Variants in ZNF516 observed in about 807,000 individuals in gnomAD.
ZNF516 encodes zinc finger protein 516.
A neutral mutation model predicts 79.7 loss-of-function variants in ZNF516; 19 were observed. The ratio of observed to expected loss-of-function variants is 0.24; its 90% CI spans 0.17 to 0.35. ZNF516 has a LOEUF of 0.35. Ranked by LOEUF, ZNF516 falls within the 10% of genes least tolerant of loss-of-function variation. ZNF516 has a pLI of 1.00. For synonymous variants in ZNF516, 877 were observed against 739.5 expected (o/e 1.19, Z -3.02); for missense variants, 1,678 against 1,679.5 (o/e 1.00, Z 0.02).
chr18:76,429,740 A>C (rs1406445344), intron 3 of ZNF516, among the ~76,000 whole-genome samples: 1 of 152,344 alleles, frequency 6.6e-6, no homozygotes, highest in East Asian at 1.9e-4. Context: ...CTTCCACTCG[A>C]GAAAGAATAA....
chr18:76,443,300 A>C, intron 2 of ZNF516, 89 bp from the exon 3 acceptor site: 1 of 516,508 alleles, frequency 1.9e-6, no homozygotes. Context: ...TCCCCAAAAC[A>C]TACCCATCCA....
chr18:76,461,792 G>T (rs1397180224), intron 2 of ZNF516, among the ~76,000 whole-genome samples: 2 of 152,232 alleles, frequency 1.3e-5, no homozygotes, highest in Admixed American at 1.3e-4. Context: ...GTCGCCAACA[G>T]GCGAGGGGCC....
At chr18:76,435,576 T>C (rs1024490657) in intron 3 of ZNF516, among the ~76,000 whole-genome samples, 2 of 152,236 alleles carry the variant, frequency 1.3e-5, no homozygotes, top group African/African-American at 4.8e-5. Flanking sequence ...TCACAAGGCA[T>C]TCTGCATGTG....
Position 76,453,700 on chromosome 18 carries a change from T to TA in ZNF516, c.-158+9327dup. 2.6e-5 allele frequency among the ~76,000 whole-genome samples: 4 copies of TA among 152,326 alleles called. 1 individual carries two copies. In the South Asian group the frequency reaches 8.3e-4, roughly 32 times the overall value. On this transcript the variant is annotated intron_variant, in intron 2 of 6. Transcript: ENST00000443185. ...TGTTAACTAATTCAGTGTCTTAATA[T>TA]AAAATTTCTTAAAATTTTTCTTAGA...
intron 2 of ZNF516, 53 bp from the exon 3 acceptor site, chr18:76,443,264 G>T: frequency 1.4e-6 from 1 of 697,080 alleles, no homozygotes; most frequent in Non-Finnish European, 2.2e-6. Flanking sequence ...GAGGGCACAG[G>T]CATGGCTGCG....
chr18:76,492,187 C>A, intron 1 of ZNF516: 1 of 985,448 alleles, frequency 1.0e-6, no homozygotes, highest in Non-Finnish European at 1.2e-6. Context: ...AGCGCAGCAA[C>A]CCCGCGGTGC....
Position 76,361,636 on chromosome 18 carries a change from A to C in ZNF516, c.*862T>G, listed in dbSNP as rs1297435073. On this transcript the variant is annotated 3_prime_UTR_variant, in exon 7 of 7. Coordinates refer to ENST00000443185, the MANE Select transcript of ZNF516 (RefSeq NM_014643.4). ...AATCGGGAGGACTCAGTGGCTAAATAATTTGTTAAGACGTATAGTCTTCCT... is the reference window on the plus strand; with the variant it reads ...AATCGGGAGGACTCAGTGGCTAAATCATTTGTTAAGACGTATAGTCTTCCT... The C allele has an allele frequency of 1.3e-5, 2 of 152,212 alleles. No individual in the cohort carries two copies. Among genetic ancestry groups the C allele is most frequent in the African/African-American group, 4.8e-5 (2 of 41,444 alleles). The allele number at this position is 152,212 out of a possible 1,614,324, so 9.4% of individuals were successfully genotyped here. A position where few individuals can be genotyped will look rare whatever the true frequency, so the allele number is the denominator to read the frequency against.
At chr18:76,485,921 A>G (rs928686268) in intron 1 of ZNF516, among the ~76,000 whole-genome samples, 6 of 151,380 alleles carry the variant, frequency 4.0e-5, no homozygotes, top group African/African-American at 1.5e-4. Context: ...GACAAAAATA[A>G]TAATAATAAT....
intron 1 of ZNF516, among the ~76,000 whole-genome samples, chr18:76,473,904 G>GTT (rs1555718878): frequency 1.6e-5 from 1 of 63,030 alleles, no homozygotes; most frequent in Non-Finnish European, 3.8e-5. Context: ...GTTTTTGTGT[G>GTT]GGGGGGGGGG....
rs114841312 is a variant in ZNF516, at chr18:76,368,456, G to A, written c.3432+2072C>T. 6.1e-3 allele frequency among the ~76,000 whole-genome samples: 920 copies of A among 151,650 alleles called. 11 individuals are homozygous for A. The highest frequency in any genetic ancestry group is 0.021 in the African/African-American group (858 of 41,282). ...CAAACCAACTGCCACAGCAGGAGAC[G>A]CATACAAATCTAGCTCAGTTTTAAT... is the stretch of plus-strand genomic sequence containing the variant. On this transcript the variant is annotated intron_variant, in intron 6 of 6. Coordinates refer to ENST00000443185, the MANE Select transcript of ZNF516 (RefSeq NM_014643.4).
intron 1 of ZNF516, among the ~76,000 whole-genome samples, chr18:76,473,915 G>T (rs1193550586): frequency 1.5e-5 from 2 of 133,952 alleles, no homozygotes; most frequent in Admixed American, 7.5e-5. Context: ...GGGGGGGGGG[G>T]GGCTTTCTTT....
In ZNF516 at chr18:76,459,187, G is replaced by A. The variant is rs1338208222; in HGVS notation, c.-158+3841C>T. Among the ~76,000 whole-genome samples the A allele has an allele frequency of 6.6e-6, 1 of 152,202 alleles. No individual in the cohort carries two copies. The highest frequency in any genetic ancestry group is 1.5e-5 in the Non-Finnish European group (1 of 68,030). ...CGCTGCAGCAGTAACGGGGCGCCGG[G>A]CCCACCTGCTGCCCCTCTCCTGTGC... is the stretch of plus-strand genomic sequence containing the variant. On this transcript the variant is annotated intron_variant, in intron 2 of 6. Transcript: ENST00000443185. The surrounding 1 kb of genome is among the most constrained non-coding windows in gnomAD (Gnocchi z 5.0).
In ZNF516 at chr18:76,441,908, A is replaced by G. The variant is rs1407631421; in HGVS notation, c.1147T>C (p.Phe383Leu). The G allele has an allele frequency of 6.2e-7, 1 of 1,602,852 alleles. No individual in the cohort carries two copies. Residue 383 changes from phenylalanine (F) to leucine (L), a missense_variant, in exon 3 of 7, where the codon TTC becomes CTC. Phe to Leu is a conservative substitution (Grantham distance 22, BLOSUM62 0). Around this residue, in one of 5 missense-constraint regions of ZNF516, gnomAD observed 1,294 missense variants for 1,248.3 expected, o/e 1.04. Transcript: ENST00000443185. Reference sequence around the variant, plus strand: ...GGCCTCAGGTTCAGGCACTGGAGGAAGAACTGCTTGGTGTCCGAGGGCCCC... The same window carrying G: ...GGCCTCAGGTTCAGGCACTGGAGGAGGAACTGCTTGGTGTCCGAGGGCCCC... ...AEGPSDTKQFFLQCLNLRPSA... is the reference protein window; with the variant it reads ...AEGPSDTKQFLLQCLNLRPSA...
chr18:76,473,560 G>A (rs1240470254), intron 1 of ZNF516, among the ~76,000 whole-genome samples: 1 of 152,102 alleles, frequency 6.6e-6, no homozygotes, highest in Non-Finnish European at 1.5e-5. Flanking sequence ...ACAGCACTTT[G>A]GGAGGCCAAG....
Position 76,441,812 on chromosome 18 carries a change from T to C in ZNF516, c.1243A>G (p.Ser415Gly). Residue 415 changes from serine (S) to glycine (G), a missense_variant, in exon 3 of 7, where the codon AGC (serine) becomes GGC (glycine). Ser to Gly is a moderately conservative substitution (Grantham distance 56, BLOSUM62 0). Transcript: ENST00000443185. ...RRVAELDPVN[S>G]YQAWQLATRG... ...GTGGCCAGCTGCCAGGCCTGGTAGC[T>C]GTTGACCGGGTCCAGCTCAGCCACC... 1 of 1,563,528 alleles carries C rather than the reference T, an allele frequency of 6.4e-7. No homozygotes were observed. Among genetic ancestry groups the C allele is most frequent in the Non-Finnish European group, 8.6e-7 (1 of 1,161,524 alleles).
intron 3 of ZNF516, among the ~76,000 whole-genome samples, chr18:76,420,093 G>A (rs1254571421): frequency 1.3e-5 from 2 of 152,210 alleles, no homozygotes; most frequent in Admixed American, 1.3e-4. Flanking sequence ...TTGTTTAGTA[G>A]GCATTTAATA....
At chr18:76,462,099 A>G (rs983384114) in intron 2 of ZNF516, among the ~76,000 whole-genome samples, 1 of 152,050 alleles carries the variant, frequency 6.6e-6, no homozygotes, top group Non-Finnish European at 1.5e-5. Context: ...CCTTTTTTTC[A>G]AAGTGTTTCT....
At chr18:76,420,110 T>C (rs1434562740) in intron 3 of ZNF516, among the ~76,000 whole-genome samples, 2 of 152,244 alleles carry the variant, frequency 1.3e-5, no homozygotes, top group South Asian at 2.1e-4. Context: ...AATACCTGCA[T>C]TTCTGTAGGT....
chr18:76,409,860 C>T (rs1174907871), intron 3 of ZNF516, among the ~76,000 whole-genome samples: 1 of 152,158 alleles, frequency 6.6e-6, no homozygotes, highest in African/African-American at 2.4e-5. Flanking sequence ...CCAAATCTCA[C>T]CTTGAATTGT....
Sources: gnomAD v4.1 joint callset for allele counts (sites outside exome capture counted in the v4.1 genomes callset) on GRCh38, gnomAD v4.1.1 for gene constraint, gnomAD v4.1.1 regional missense constraint, Gnocchi (gnomAD v3.1) non-coding constraint, MANE v1.5 for transcripts, NCBI Gene and HGNC (gene_info 2026-07-23, HGNC 2026-07-21) for gene names.